Variants in WDPCP observed in about 807,000 individuals in gnomAD.
WDPCP encodes WD repeat containing planar cell polarity effector, also known as WD repeat-containing and planar cell polarity effector protein fritz homolog.
A neutral mutation model predicts 93.1 loss-of-function variants in WDPCP; 71 were observed. That is an observed-to-expected ratio of 0.76 (90% CI 0.63 to 0.93). The LOEUF is 0.93. Ranked by LOEUF, WDPCP falls within the 40% of genes least tolerant of loss-of-function variation. The pLI is 0.00. For missense variants in WDPCP, 844 were observed against 887.4 expected, an observed-to-expected ratio of 0.95 and a Z score of 0.62; for synonymous variants, 315 against 315.0, an observed-to-expected ratio of 1.00 and a Z score of 0.00.
intron 12 of WDPCP, among the ~76,000 whole-genome samples, chr2:63,336,949 A>G (rs1688425478): frequency 1.5e-5 from 2 of 133,040 alleles, no homozygotes; most frequent in Admixed American, 1.7e-4. Context: ...GTTGGAGTGC[A>G]GTGGCATGAT....
At chr2:63,510,065 C>T (rs1018294752) in intron 1 of WDPCP, among the ~76,000 whole-genome samples, 6 of 152,082 alleles carry the variant, frequency 3.9e-5, no homozygotes, top group Non-Finnish European at 8.8e-5. Context: ...AAAAGCAACT[C>T]CTCCCTCTCA....
chr2:63,219,779 T>C (rs187421834), intron 14 of WDPCP, among the ~76,000 whole-genome samples: 6 of 152,252 alleles, frequency 3.9e-5, no homozygotes, highest in Admixed American at 3.3e-4. Context: ...GGCGGGCAGA[T>C]CACGAGGTCA....
At chr2:63,202,691 T>C (rs1197006257) in intron 14 of WDPCP, among the ~76,000 whole-genome samples, 1 of 152,182 alleles carries the variant, frequency 6.6e-6, no homozygotes, top group Non-Finnish European at 1.5e-5. Flanking sequence ...TTGTAGTATT[T>C]AGCATTATGA....
intron 13 of WDPCP, among the ~76,000 whole-genome samples, chr2:63,286,018 GT>G (rs1226416198): frequency 2.7e-5 from 4 of 150,386 alleles, no homozygotes; most frequent in East Asian, 2.0e-4. Flanking sequence ...CTCTCATTTT[GT>G]TTTTTTTAGA....
At chr2:63,216,321 T>G (rs1224870222) in intron 14 of WDPCP, among the ~76,000 whole-genome samples, 1 of 152,086 alleles carries the variant, frequency 6.6e-6, no homozygotes, top group Admixed American at 6.6e-5. Flanking sequence ...TGTCCAACAA[T>G]GATAGACTGG....
chr2:63,332,514 C>T (rs1271038672), intron 12 of WDPCP, among the ~76,000 whole-genome samples: 3 of 152,070 alleles, frequency 2.0e-5, no homozygotes, highest in Non-Finnish European at 4.4e-5. Flanking sequence ...TCATGTGCTA[C>T]CTAGACATCC....
chr2:63,537,430 C>G (rs1158030684), intron 1 of WDPCP, among the ~76,000 whole-genome samples: 1 of 152,120 alleles, frequency 6.6e-6, no homozygotes, highest in African/African-American at 2.4e-5. Flanking sequence ...TGTCACTTCT[C>G]TGAAAAGCCT....
chr2:63,182,036 A>G lies in WDPCP; in HGVS notation c.1916-7204T>C, dbSNP rs541275283. 2.6e-5 allele frequency among the ~76,000 whole-genome samples: 4 copies of G among 152,198 alleles called. No homozygotes were observed. The East Asian group carries it at 7.7e-4, about 29-fold the overall frequency. On this transcript the variant is annotated intron_variant, in intron 14 of 17. Transcript: ENST00000272321. ...ATTTCATATTCTGAAACTTTACTGAACTTATGAAATCTGGGAGTCTTTGGG... is the reference window on the plus strand; with the variant it reads ...ATTTCATATTCTGAAACTTTACTGAGCTTATGAAATCTGGGAGTCTTTGGG...
chr2:63,275,037 T>A (rs570019182), intron 13 of WDPCP, among the ~76,000 whole-genome samples: 48 of 152,242 alleles, frequency 3.2e-4, no homozygotes, highest in African/African-American at 1.1e-3. Context: ...ATATACCTGA[T>A]GAACACAGTT....
intron 13 of WDPCP, among the ~76,000 whole-genome samples, chr2:63,289,708 T>C (rs1575068695): frequency 1.3e-5 from 2 of 152,132 alleles, no homozygotes; most frequent in East Asian, 3.9e-4. Context: ...ATATTCATGA[T>C]TTTTTGACAT....
At chr2:63,357,627 G>A (rs1690117800) in intron 12 of WDPCP, among the ~76,000 whole-genome samples, 1 of 152,146 alleles carries the variant, frequency 6.6e-6, no homozygotes, top group African/African-American at 2.4e-5. Flanking sequence ...CAAGGTTGCG[G>A]AGAAAAGAGA....
intron 13 of WDPCP, among the ~76,000 whole-genome samples, chr2:63,284,280 GT>G (rs1363343380): frequency 6.6e-6 from 1 of 152,096 alleles, no homozygotes; most frequent in Non-Finnish European, 1.5e-5. Flanking sequence ...GCATAAAGTA[GT>G]CCCCCCTTAC....
At chr2:63,357,274 G>A (rs1009623372) in intron 12 of WDPCP, among the ~76,000 whole-genome samples, 1 of 152,088 alleles carries the variant, frequency 6.6e-6, no homozygotes, top group African/African-American at 2.4e-5. Context: ...TGACAAGTAG[G>A]ATCTAATTAA....
chr2:63,492,098 C>T (rs1334398235), intron 2 of WDPCP, among the ~76,000 whole-genome samples: 2 of 152,036 alleles, frequency 1.3e-5, no homozygotes, highest in Non-Finnish European at 2.9e-5. Flanking sequence ...ATATCAAAGT[C>T]ATCCTTAATT....
intron 15 of WDPCP, among the ~76,000 whole-genome samples, chr2:63,154,335 C>T (rs1167065983): frequency 6.6e-6 from 1 of 152,088 alleles, no homozygotes; most frequent in Admixed American, 6.5e-5. Context: ...TACACCCTGG[C>T]AACCACAGAT....
intron 12 of WDPCP, among the ~76,000 whole-genome samples, chr2:63,335,719 C>G (rs538842635): frequency 3.3e-5 from 5 of 152,202 alleles, no homozygotes; most frequent in African/African-American, 1.2e-4. Context: ...GCACGTGAAC[C>G]GGAGCAACTC....
At chr2:63,296,763 C>T (rs1455983928) in intron 13 of WDPCP, among the ~76,000 whole-genome samples, 1 of 151,902 alleles carries the variant, frequency 6.6e-6, no homozygotes, top group Non-Finnish European at 1.5e-5. Context: ...ACAAGGAGAA[C>T]CACAAATGCT....
intron 17 of WDPCP, among the ~76,000 whole-genome samples, chr2:63,127,043 A>T (rs1669956051): frequency 6.6e-6 from 1 of 151,998 alleles, no homozygotes; most frequent in Non-Finnish European, 1.5e-5. Context: ...TATATAAAAT[A>T]CTTTAGTGAA....
At chr2:63,833,590 C>A in the WDPCP span, among the ~76,000 whole-genome samples, 34 of 152,288 alleles carry the variant, frequency 2.2e-4, no homozygotes, top group African/African-American at 8.2e-4. Flanking sequence ...TTTACAGTTT[C>A]AGAGATTGAC....
Sources: allele counts gnomAD v4.1 joint callset (sites outside exome capture counted in the v4.1 genomes callset), GRCh38; gene constraint gnomAD v4.1.1; transcripts MANE v1.5; gene names NCBI Gene and HGNC (gene_info 2026-07-23, HGNC 2026-07-21).